Variants in FTO observed in about 807,000 individuals in gnomAD.
The protein encoded by FTO is alpha-ketoglutarate-dependent dioxygenase FTO.
A neutral mutation model predicts 63.9 loss-of-function variants in FTO; 47 were observed. The observed-to-expected ratio is 0.74, with a 90% CI of 0.58 to 0.94. The LOEUF (loss-of-function observed/expected upper bound fraction) is 0.94. Ranked by LOEUF, FTO falls within the 40% of genes least tolerant of loss-of-function variation. The probability of loss-of-function intolerance (pLI) is 0.00; values close to 1 mark genes in which losing one functional copy is unlikely to be tolerated. For missense variants in FTO, 562 were observed against 618.1 expected (o/e 0.91, Z 0.96); for synonymous variants, 207 against 224.4 (o/e 0.92, Z 0.69).
chr16:53,809,844 G>A (rs995104868), intron 1 of FTO, among the ~76,000 whole-genome samples: 9 of 152,030 alleles, frequency 5.9e-5, no homozygotes, highest in Non-Finnish European at 1.3e-4. Context: ...GGGAGGATGA[G>A]ATGGGAGGAT....
intron 8 of FTO, among the ~76,000 whole-genome samples, chr16:53,949,465 AC>A (rs1398635270): frequency 6.6e-6 from 1 of 152,248 alleles, no homozygotes; most frequent in Non-Finnish European, 1.5e-5. Context: ...GTCAGCTGTT[AC>A]GCATGTGTAG....
intron 8 of FTO, among the ~76,000 whole-genome samples, chr16:54,080,628 C>T (rs1442598873): frequency 6.6e-6 from 1 of 152,150 alleles, no homozygotes; most frequent in African/African-American, 2.4e-5. Context: ...CTGAAGGACC[C>T]ATCACCCAAG....
At chr16:53,974,595 A>G (rs1372329159) in intron 8 of FTO, among the ~76,000 whole-genome samples, 1 of 151,992 alleles carries the variant, frequency 6.6e-6, no homozygotes. Flanking sequence ...CTGAAGTCCA[A>G]GGTACAGCAA....
chr16:54,015,023 T>C (rs1390239412), intron 8 of FTO, among the ~76,000 whole-genome samples: 2 of 102,602 alleles, frequency 1.9e-5, no homozygotes, highest in African/African-American at 1.4e-4. Flanking sequence ...ACCTGGCTAA[T>C]TAAATTTTTT....
At chr16:53,777,093 T>G (rs2077476985) in intron 1 of FTO, among the ~76,000 whole-genome samples, 1 of 152,198 alleles carries the variant, frequency 6.6e-6, no homozygotes, top group South Asian at 2.1e-4. Context: ...ATCTACTATT[T>G]TAGCAAATTT....
intron 8 of FTO, chr16:54,071,080 A>C (rs1407958192): frequency 6.6e-6 from 1 of 152,248 alleles, no homozygotes; most frequent in Non-Finnish European, 1.5e-5. Flanking sequence ...GAAATAGCTC[A>C]GTCTCATGGC....
intron 7 of FTO, among the ~76,000 whole-genome samples, chr16:53,933,097 T>C (rs2082318444): frequency 6.6e-6 from 1 of 152,212 alleles, no homozygotes; most frequent in Non-Finnish European, 1.5e-5. Context: ...TTCTCAAGGT[T>C]GTCATGAAGA....
At chr16:54,079,790 A>G (rs1419504192) in intron 8 of FTO, among the ~76,000 whole-genome samples, 2 of 152,216 alleles carry the variant, frequency 1.3e-5, no homozygotes, top group African/African-American at 4.8e-5. Context: ...CCGTCATGGC[A>G]GAGTATTGGC....
intron 8 of FTO, among the ~76,000 whole-genome samples, chr16:53,952,997 G>T (rs2082834151): frequency 6.6e-6 from 1 of 152,104 alleles, no homozygotes; most frequent in Non-Finnish European, 1.5e-5. Context: ...ATGGAGAAAT[G>T]GATAATTGGG....
intron 8 of FTO, among the ~76,000 whole-genome samples, chr16:53,971,101 G>A (rs565617855): frequency 6.6e-6 from 1 of 152,256 alleles, no homozygotes; most frequent in East Asian, 1.9e-4. Flanking sequence ...GTTAGAAGCA[G>A]TTTCTTTATA....
intron 4 of FTO, among the ~76,000 whole-genome samples, chr16:53,855,029 A>G (rs1482380516): frequency 8.2e-6 from 1 of 121,986 alleles, no homozygotes; most frequent in Non-Finnish European, 1.6e-5. Context: ...TAGGTACTTT[A>G]TTATTATTAT....
intron 7 of FTO, among the ~76,000 whole-genome samples, chr16:53,910,912 C>G (rs187908043): frequency 6.6e-6 from 1 of 152,284 alleles, no homozygotes; most frequent in East Asian, 1.9e-4. Flanking sequence ...AAGTCACAGG[C>G]AATTTTACAA....
chr16:53,787,173 C>G (rs528992203), intron 1 of FTO, among the ~76,000 whole-genome samples: 1 of 139,330 alleles, frequency 7.2e-6, no homozygotes, highest in Non-Finnish European at 1.5e-5. Flanking sequence ...GTAAAGAGAG[C>G]GCATACACCT....
chr16:54,012,736 T>G (rs1368917693), intron 8 of FTO, among the ~76,000 whole-genome samples: 6 of 152,132 alleles, frequency 3.9e-5, no homozygotes, highest in Non-Finnish European at 8.8e-5. Flanking sequence ...CTGCCTGTGC[T>G]CTATAAATGG....
At chr16:53,956,224 G>GGTC (rs1418403699) in intron 8 of FTO, among the ~76,000 whole-genome samples, 6 of 152,112 alleles carry the variant, frequency 3.9e-5, no homozygotes, top group African/African-American at 1.4e-4. Flanking sequence ...CTAAAAATAT[G>GGTC]ACGGGCTTTG....
At chr16:53,915,880 T>G (rs945003632) in intron 7 of FTO, among the ~76,000 whole-genome samples, 4 of 152,198 alleles carry the variant, frequency 2.6e-5, no homozygotes, top group Admixed American at 1.3e-4. Context: ...GATGAGCCAA[T>G]AATATCTGCT....
rs1163931697 is a variant in FTO, at chr16:53,981,522, C to A, written c.1364+47413C>A. ...GCATGGTGGCTCACGCCTGTAATCTCAACACTTTGGGAGGCCAAGACGGGC... is the reference window on the plus strand; with the variant it reads ...GCATGGTGGCTCACGCCTGTAATCTAAACACTTTGGGAGGCCAAGACGGGC... On this transcript the variant is annotated intron_variant, in intron 8 of 8. Coordinates refer to ENST00000471389, the MANE Select transcript of FTO (RefSeq NM_001080432.3). 3 of 152,402 alleles carry A rather than the reference C, an allele frequency of 2.0e-5. No individual in the cohort carries two copies. In the East Asian group the frequency reaches 5.8e-4, roughly 29 times the overall value. 9.4% of individuals were successfully genotyped at this position (152,402 alleles called of 1,614,324 possible).
At chr16:53,782,240 T>G (rs564853146) in intron 1 of FTO, among the ~76,000 whole-genome samples, 1 of 152,342 alleles carries the variant, frequency 6.6e-6, no homozygotes, top group Admixed American at 6.5e-5. Flanking sequence ...ATGAGAGAAT[T>G]TAACTAATTT....
chr16:53,893,673 AAAG>A lies in FTO; in HGVS notation c.1239+4723_1239+4725del, dbSNP rs200580832. On this transcript the variant is annotated intron_variant, in intron 7 of 8. Coordinates refer to ENST00000471389, the MANE Select transcript of FTO (RefSeq NM_001080432.3). ...ATTTCCTATTGACCTTAAAAAAAAA[AAAG>A]GTCAATTTGGTATAATCCAGTGGAA... Among the ~76,000 whole-genome samples, 1,111 of 152,318 alleles carry A rather than the reference AAAG, an allele frequency of 7.3e-3. 6 individuals carry two copies. Among genetic ancestry groups the A allele is most frequent in the Non-Finnish European group, 0.013 (876 of 68,022 alleles).
Sources: gnomAD v4.1 joint callset for allele counts (sites outside exome capture counted in the v4.1 genomes callset) on GRCh38, gnomAD v4.1.1 for gene constraint, MANE v1.5 for transcripts, NCBI Gene and HGNC (gene_info 2026-07-23, HGNC 2026-07-21) for gene names.